AQP2: variants seen among roughly 807,000 people sequenced by gnomAD.
AQP2 encodes the protein aquaporin-2.
In AQP2, 20 loss-of-function variants were observed where a neutral mutation model predicts 21.6. The observed-to-expected ratio is 0.92, with a 90% confidence interval of 0.65 to 1.34. The LOEUF (loss-of-function observed/expected upper bound fraction) is 1.34, where lower values mean the gene tolerates loss of function less well. Ranked by LOEUF, AQP2 falls within the 40% of genes most tolerant of loss-of-function variation. The pLI, the probability that AQP2 is intolerant of heterozygous loss-of-function variation, is 0.00. For missense variants in AQP2, 325 were observed against 363.4 expected (o/e 0.89, Z 0.86); for synonymous variants, 168 against 166.9 (o/e 1.01, Z -0.05).
rs999921498 is a variant in AQP2 at position 49,957,522 on chromosome 12, C to T, written c.*1914C>T. On this transcript the variant is annotated 3_prime_UTR_variant, in exon 4 of 4. Transcript: ENST00000199280. The stretch of plus-strand genomic sequence containing the variant: ...CTCTAGCCTCTTTCTCCCTTCTGCT[C>T]CCATCCAAGAAAGACAGTGTATAAG... 1.3e-5 allele frequency: 2 copies of T among 152,334 alleles called. No individual in the cohort carries two copies. Among genetic ancestry groups the T allele is most frequent in the African/African-American group, 4.8e-5 (2 of 41,460 alleles). The allele number at this position is 152,334 out of a possible 1,614,324, so 9.4% of individuals were successfully genotyped here.
At chr12:49,953,040 A>C (rs1393157819) in intron 1 of AQP2, among the ~76,000 whole-genome samples, 3 of 152,374 alleles carry the variant, frequency 2.0e-5, no homozygotes, top group Admixed American at 2.0e-4. Flanking sequence ...GTCCTCCCAC[A>C]GTCCTCCAGA....
Position 49,955,628 on chromosome 12 carries a change from C to A in AQP2, c.*20C>A, listed in dbSNP as rs457487. 1,029,282 of 1,539,774 alleles carry A rather than the reference C, an allele frequency of 0.67. 357,892 individuals are homozygous for A. Among genetic ancestry groups the A allele is most frequent in the Non-Finnish European group, 0.73 (837,633 of 1,149,156 alleles). On this transcript the variant is annotated 3_prime_UTR_variant, in exon 4 of 4. Coordinates refer to ENST00000199280, the MANE Select transcript of AQP2 (RefSeq NM_000486.6). ...GCCTGAGGGCCGCCAGCGGCCTCTA[C>A]GGCCCCGACGGACGCTTGTGAGGCC...
Position 49,950,764 on chromosome 12 carries a change from G to A in AQP2, c.-67G>A. ...GCCTTGAGAAAGAGAGCGATAGAGT[G>A]CGAGAGCGAGTGCCCGGAGCATCCT... On this transcript the variant is annotated 5_prime_UTR_variant, in exon 1 of 4. Transcript: ENST00000199280. 1.3e-6 allele frequency: 2 copies of A among 1,571,794 alleles called. No homozygotes were observed. Among genetic ancestry groups the A allele is most frequent in the Non-Finnish European group, 1.7e-6 (2 of 1,157,590 alleles).
chr12:49,954,320 G>A lies in AQP2; in HGVS notation c.525+1G>A. The A allele has an allele frequency of 6.2e-7, 1 of 1,608,210 alleles. No homozygotes were observed. Among genetic ancestry groups the A allele is most frequent in the Non-Finnish European group, 8.5e-7 (1 of 1,179,296 alleles). On this transcript the variant is annotated splice_donor_variant, in intron 2 of 3. Coordinates refer to ENST00000199280, the MANE Select transcript of AQP2 (RefSeq NM_000486.6). LOFTEE classifies it high-confidence loss of function. ...TGTGGCCCTGGGCCACCTCCTTGGG[G>A]TAGGTCATGGCCATGGGTTCCAGCC... is the stretch of plus-strand genomic sequence containing the variant.
intron 3 of AQP2, 44 bp downstream of exon 3, chr12:49,954,754 T>C (rs551896297): frequency 8.9e-6 from 14 of 1,580,354 alleles, no homozygotes; most frequent in South Asian, 4.4e-5. Flanking sequence ...TAGAAACCCA[T>C]TTTAGAGGGA....
chr12:49,954,330 G>T lies in AQP2; in HGVS notation c.525+11G>T. The T allele has an allele frequency of 6.2e-7, 1 of 1,606,660 alleles. No individual in the cohort carries two copies. On this transcript the variant is annotated intron_variant, in intron 2 of 3. Transcript: ENST00000199280. Reference sequence around the variant, plus strand: ...GGCCACCTCCTTGGGGTAGGTCATGGCCATGGGTTCCAGCCTCCCTGGAGG... The same window carrying T: ...GGCCACCTCCTTGGGGTAGGTCATGTCCATGGGTTCCAGCCTCCCTGGAGG...
In AQP2 at chr12:49,950,944, G is replaced by A. The variant is rs774952238; in HGVS notation, c.114G>A (p.Leu38=). ...CTGCCCTCAACTGGCCACAGGCCCT[G>A]CCCTCTGTGCTACAGATTGCCATGG... is the stretch of plus-strand genomic sequence containing the variant. The part of the protein sequence containing the change: ...LGSALNWPQA[L]PSVLQIAMAF... Residue 38 remains leucine, a synonymous_variant, in exon 1 of 4, where the codon CTG becomes CTA. Coordinates refer to ENST00000199280, the MANE Select transcript of AQP2 (RefSeq NM_000486.6). 1.9e-6 allele frequency: 3 copies of A among 1,614,240 alleles called. No individual in the cohort carries two copies. The South Asian group carries it at 3.3e-5, about 18-fold the overall frequency.
Position 49,956,836 on chromosome 12 carries a change from T to G in AQP2, c.*1228T>G, listed in dbSNP as rs77904078. 4,669 of 152,582 alleles carry G rather than the reference T, an allele frequency of 0.031. 155 individuals carry two copies. Among genetic ancestry groups the G allele is most frequent in the East Asian group, 0.15 (763 of 5,172 alleles). 9.5% of individuals were successfully genotyped at this position (152,582 alleles called of 1,614,324 possible). A position where few individuals can be genotyped will look rare whatever the true frequency, so the allele number is the denominator to read the frequency against. On this transcript the variant is annotated 3_prime_UTR_variant, in exon 4 of 4. Coordinates refer to ENST00000199280, the MANE Select transcript of AQP2 (RefSeq NM_000486.6). ...TCTCTGTTCCTTCTCTGTCTGCCTCTCCACAGCCCGTGATCCCCTGCTTCT... is the reference window on the plus strand; with the variant it reads ...TCTCTGTTCCTTCTCTGTCTGCCTCGCCACAGCCCGTGATCCCCTGCTTCT...
intron 1 of AQP2, chr12:49,952,042 C>T (rs1343604499): frequency 6.6e-6 from 1 of 152,260 alleles, no homozygotes; most frequent in Non-Finnish European, 1.5e-5. Flanking sequence ...GAGTCCCGCA[C>T]AATCTCTGTG....
chr12:49,952,336 A>G (rs1033859469), intron 1 of AQP2, among the ~76,000 whole-genome samples: 10 of 152,066 alleles, frequency 6.6e-5, no homozygotes, highest in Admixed American at 6.5e-4. Context: ...TCAAACTCCT[A>G]ACCTCAAGTG....
Position 49,950,932 on chromosome 12 carries a change from G to T in AQP2, c.102G>T (p.Trp34Cys). ...VFFGLGSALN[W>C]PQALPSVLQI... ...TTGGCCTCGGCTCTGCCCTCAACTG[G>T]CCACAGGCCCTGCCCTCTGTGCTAC... Residue 34 changes from tryptophan to cysteine, a missense_variant, in exon 1 of 4, where the codon TGG (tryptophan) becomes TGT (cysteine). By Grantham distance (215) the Trp-to-Cys change is radical. Coordinates refer to ENST00000199280, the MANE Select transcript of AQP2 (RefSeq NM_000486.6). The T allele has an allele frequency of 6.2e-7, 1 of 1,614,208 alleles. No homozygotes were observed. The highest frequency in any genetic ancestry group is 8.5e-7 in the Non-Finnish European group (1 of 1,180,034).
In AQP2 at chr12:49,955,658, G is replaced by A. The variant is rs1947363981; in HGVS notation, c.*50G>A. Reference sequence around the variant, plus strand: ...CCGACGGACGCTTGTGAGGCCCGAGGCAGAAGGGCCCACCCCGTCCCTCCT... The same window carrying A: ...CCGACGGACGCTTGTGAGGCCCGAGACAGAAGGGCCCACCCCGTCCCTCCT... On this transcript the variant is annotated 3_prime_UTR_variant, in exon 4 of 4. Coordinates refer to ENST00000199280, the MANE Select transcript of AQP2 (RefSeq NM_000486.6). The A allele has an allele frequency of 1.3e-6, 2 of 1,525,960 alleles. No individual in the cohort carries two copies. Among genetic ancestry groups the A allele is most frequent in the African/African-American group, 1.4e-5 (1 of 72,842 alleles). The allele number at this position is 1,525,960 out of a possible 1,614,324, so 94.5% of individuals were successfully genotyped here. A position where few individuals can be genotyped will look rare whatever the true frequency, so the allele number is the denominator to read the frequency against.
intron 1 of AQP2, among the ~76,000 whole-genome samples, chr12:49,953,816 C>A (rs889301560): frequency 6.6e-6 from 1 of 152,232 alleles, no homozygotes; most frequent in Non-Finnish European, 1.5e-5. Flanking sequence ...AAACCTCTTC[C>A]CTTCTTGTTC....
chr12:49,954,737 C>T (rs1365632159), intron 3 of AQP2, 27 bp downstream of exon 3: 29 of 1,607,132 alleles, frequency 1.8e-5, no homozygotes, highest in Non-Finnish European at 2.4e-5. Context: ...CCTGCCCTCC[C>T]CTTCTCTAGA....
At chr12:49,953,521 C>T (rs548031911) in intron 1 of AQP2, among the ~76,000 whole-genome samples, 1 of 152,250 alleles carries the variant, frequency 6.6e-6, no homozygotes, top group Admixed American at 6.5e-5. Context: ...GGGCCCTTAC[C>T]CCAACCTCCA....
intron 1 of AQP2, 198 bp downstream of exon 1, chr12:49,951,388 A>C: frequency 1.3e-6 from 1 of 755,876 alleles, no homozygotes; most frequent in Non-Finnish European, 2.0e-6. Context: ...GCAAAGCAGG[A>C]TGCAGACAGA....
At chr12:49,954,386 C>T (rs1947351204) in intron 2 of AQP2, 67 bp downstream of exon 2, 1 of 1,520,426 alleles carries the variant, frequency 6.6e-7, no homozygotes. Context: ...CAGAGACAGA[C>T]ACAGAGACCC....
In AQP2 at chr12:49,951,189, CTG is replaced by C. The variant is rs1275075747; in HGVS notation, c.360+2_360+3del. 6.2e-7 allele frequency: 1 copy of C among 1,603,376 alleles called. No homozygotes were observed. The highest frequency in any genetic ancestry group is 8.5e-7 in the Non-Finnish European group (1 of 1,174,958). On this transcript the variant is annotated splice_donor_variant and coding_sequence_variant, in exon 1 of 4. Coordinates refer to ENST00000199280, the MANE Select transcript of AQP2 (RefSeq NM_000486.6). LOFTEE classifies it high-confidence loss of function. Reference sequence around the variant, plus strand: ...ATCCGCGGGGACCTGGCTGTCAATGCTGTGAGTAGCCACAACTTTGCCATCCA... The same window carrying C: ...ATCCGCGGGGACCTGGCTGTCAATGCTGAGTAGCCACAACTTTGCCATCCA...
At position 49,954,238 on chromosome 12, in the gene AQP2, C is replaced by T. The variant is rs1947349666; in HGVS notation, c.444C>T (p.Ser148=). 1.9e-6 allele frequency: 3 copies of T among 1,606,004 alleles called. No individual in the cohort carries two copies. Among genetic ancestry groups the T allele is most frequent in the Non-Finnish European group, 2.5e-6 (3 of 1,179,988 alleles). ...AGCTGGTGCTCTGCATCTTCGCCTC[C>T]ACCGATGAGCGCCGCGGAGAGAACC... ...TLQLVLCIFA[S]TDERRGENPG... is the part of the protein sequence containing the mutation. The change falls in exon 2 of 4, where the codon TCC becomes TCT. Residue 148 remains serine, a synonymous_variant. Coordinates refer to ENST00000199280, the MANE Select transcript of AQP2 (RefSeq NM_000486.6).
Sources: gnomAD v4.1 joint callset for allele counts (sites outside exome capture counted in the v4.1 genomes callset) on GRCh38, gnomAD v4.1.1 for gene constraint, MANE v1.5 for transcripts, NCBI Gene and HGNC (gene_info 2026-07-23, HGNC 2026-07-21) for gene names.